Variants in SYNE1 observed in about 807,000 individuals in gnomAD.
The protein encoded by SYNE1 is nesprin-1.
SYNE1 carries 616 observed loss-of-function variants against 1,111.0 expected under a neutral mutation model. The observed-to-expected ratio is 0.55, with a 90% CI of 0.52 to 0.59. The LOEUF is 0.59. Ranked by LOEUF, SYNE1 falls within the 20% of genes least tolerant of loss-of-function variation. SYNE1 has a pLI of 0.00. For missense variants in SYNE1, 10,006 were observed against 10,417.0 expected (o/e 0.96, Z 1.72); for synonymous variants, 3,855 against 3,825.8 (o/e 1.01, Z -0.28).
intron 144 of SYNE1, among the ~76,000 whole-genome samples, chr6:152,131,677 A>G (rs554706556): frequency 3.3e-5 from 5 of 152,182 alleles, no homozygotes; most frequent in Admixed American, 6.5e-5. Flanking sequence ...GCTTAGCTTG[A>G]GAGTCAACAG....
rs534063597 is a variant in SYNE1, at chr6:152,350,227, G to C, written c.11842C>G (p.Pro3948Ala). The C allele has an allele frequency of 6.2e-7, 1 of 1,614,052 alleles. No individual in the cohort carries two copies. Among genetic ancestry groups the C allele is most frequent in the African/African-American group, 1.3e-5 (1 of 75,016 alleles). ...LLQMSGRLVA[P>A]DLLETSSLET... ...AGGCTGCTTGTCTCCAGGAGGTCAG[G>C]TGCCACCAGTCTGCCAGACATCTGC... Residue 3948 changes from proline (P) to alanine (A), a missense_variant, in exon 72 of 146, where the codon CCT becomes GCT. This residue lies in a region of SYNE1 where 4,955 missense variants were observed against 5,017.2 expected (regional missense o/e 0.99). Transcript: ENST00000367255.
intron 51 of SYNE1, among the ~76,000 whole-genome samples, chr6:152,394,113 G>C (rs1428477844): frequency 6.6e-6 from 1 of 152,172 alleles, no homozygotes; most frequent in Admixed American, 6.5e-5. Context: ...TGCTGAGAAT[G>C]ATGGTTTCCA....
intron 16 of SYNE1, among the ~76,000 whole-genome samples, chr6:152,467,454 A>T (rs968075450): frequency 1.7e-4 from 26 of 152,262 alleles, no homozygotes; most frequent in African/African-American, 6.0e-4. Context: ...TTGAAGAAAT[A>T]ATTATATTTG....
chr6:152,386,994 G>T, intron 54 of SYNE1, 78 bp downstream of exon 54: 1 of 1,276,916 alleles, frequency 7.8e-7, no homozygotes, highest in Non-Finnish European at 1.1e-6. Flanking sequence ...CTTGGCAACA[G>T]TCATTATATT....
Position 152,427,723 on chromosome 6 carries a change from G to T in SYNE1, c.5070C>A (p.Val1690=), listed in dbSNP as rs146789107. The change falls in exon 38 of 146, where the codon GTC becomes GTA. Residue 1690 remains valine (V), a synonymous_variant. Coordinates refer to ENST00000367255, the MANE Select transcript of SYNE1 (RefSeq NM_182961.4). ...SPEMDISADR[V]KVEGELQLIQ... Reference sequence around the variant, plus strand: ...TTAACTGAAGTTCACCTTCCACTTTGACTCTGTCTGCAGAAATGTCCATTT... The same window carrying T: ...TTAACTGAAGTTCACCTTCCACTTTTACTCTGTCTGCAGAAATGTCCATTT... The T allele has an allele frequency of 9.3e-6, 15 of 1,613,978 alleles. No homozygotes were observed. The East Asian group carries it at 3.1e-4, about 34-fold the overall frequency.
intron 145 of SYNE1, chr6:152,126,445 T>C (rs970820289): frequency 3.3e-5 from 5 of 152,228 alleles, no homozygotes; most frequent in Non-Finnish European, 7.3e-5. Context: ...AGGCAACTTG[T>C]TGACTACCCA....
At chr6:152,376,313 C>A in intron 58 of SYNE1, 68 bp downstream of exon 58, 9 of 1,571,204 alleles carry the variant, frequency 5.7e-6, no homozygotes, top group Non-Finnish European at 7.9e-6. Flanking sequence ...AGATGGGGAC[C>A]CTTGATTTAG....
At chr6:152,360,560 G>A (rs1372778335) in intron 64 of SYNE1, among the ~76,000 whole-genome samples, 1 of 151,644 alleles carries the variant, frequency 6.6e-6, no homozygotes, top group Non-Finnish European at 1.5e-5. Flanking sequence ...TTTCTTCATA[G>A]TATTCAGCAG....
intron 76 of SYNE1, 64 bp downstream of exon 76, chr6:152,336,777 C>A (rs1171390149): frequency 9.5e-6 from 15 of 1,586,316 alleles, no homozygotes; most frequent in Middle Eastern, 1.7e-4. Context: ...ATACACTGAA[C>A]ACATTTCAGG....
chr6:152,597,839 G>A (rs769259378), intron 3 of SYNE1, among the ~76,000 whole-genome samples: 5 of 151,602 alleles, frequency 3.3e-5, no homozygotes, highest in South Asian at 2.1e-4. Flanking sequence ...TTTTTCTTTC[G>A]CTATAGCAAC....
At chr6:152,613,455 C>T (rs1010377985) in intron 3 of SYNE1, among the ~76,000 whole-genome samples, 189 of 152,178 alleles carry the variant, frequency 1.2e-3, no homozygotes, top group Non-Finnish European at 3.7e-4. Flanking sequence ...ATGTGAAGGA[C>T]GTCTTCAAGG....
intron 66 of SYNE1, among the ~76,000 whole-genome samples, chr6:152,356,213 C>T (rs550440838): frequency 1.2e-4 from 18 of 151,648 alleles, no homozygotes; most frequent in African/African-American, 3.4e-4. Context: ...AAACCACAGA[C>T]GATACATAAA....
intron 73 of SYNE1, 92 bp downstream of exon 73, chr6:152,346,967 T>G: frequency 6.8e-7 from 1 of 1,476,470 alleles, no homozygotes; most frequent in Non-Finnish European, 9.2e-7. Context: ...ATCCAAAGAT[T>G]TGAGCATCGA....
At chr6:152,477,141 T>C (rs762609660) in intron 14 of SYNE1, among the ~76,000 whole-genome samples, 4 of 152,100 alleles carry the variant, frequency 2.6e-5, no homozygotes, top group Non-Finnish European at 5.9e-5. Context: ...AATTGCAATT[T>C]TGAGAGCCTG....
chr6:152,570,859 A>G (rs1300290204), intron 3 of SYNE1, among the ~76,000 whole-genome samples: 1 of 152,070 alleles, frequency 6.6e-6, no homozygotes, highest in African/African-American at 2.4e-5. Flanking sequence ...AAAAACTCCT[A>G]CTCACAGCAA....
rs139162970 is a variant in SYNE1, at chr6:152,456,090, G to A, written c.2569-46C>T. ...ACAACAATGTTATTTACAAGACAGA[G>A]TGAGAGAGAAAGAAAGAGAGTGACC... On this transcript the variant is annotated intron_variant, in intron 22 of 145. Transcript: ENST00000367255. 1.0e-5 allele frequency: 16 copies of A among 1,590,632 alleles called. No homozygotes were observed. The African/African-American group carries it at 2.0e-4, about 20-fold the overall frequency.
At chr6:152,241,108 A>G (rs1273320056) in intron 107 of SYNE1, among the ~76,000 whole-genome samples, 1 of 152,096 alleles carries the variant, frequency 6.6e-6, no homozygotes, top group East Asian at 1.9e-4. Flanking sequence ...TTCTTTTTCT[A>G]TTGAGGTTTA....
chr6:152,449,410 A>G (rs2098628487), intron 28 of SYNE1, 123 bp downstream of exon 28: 1 of 776,700 alleles, frequency 1.3e-6, no homozygotes, highest in Non-Finnish European at 2.2e-6. Flanking sequence ...ACTTATTTTA[A>G]AGACAATTTT....
chr6:152,391,590 A>T, intron 51 of SYNE1, 22 bp from the exon 52 acceptor site: 1 of 1,556,780 alleles, frequency 6.4e-7, no homozygotes, highest in Non-Finnish European at 8.6e-7. Flanking sequence ...GAAAAAAAAA[A>T]AAAAGAAAAA....
Sources: allele counts gnomAD v4.1 joint callset (sites outside exome capture counted in the v4.1 genomes callset), GRCh38; gene constraint gnomAD v4.1.1; regional missense constraint gnomAD v4.1.1; transcripts MANE v1.5; gene names NCBI Gene and HGNC (gene_info 2026-07-23, HGNC 2026-07-21).